The following WDR46 variants were observed in gnomAD, a reference collection of about 807,000 sequenced individuals.
WDR46 encodes WD repeat domain 46.
Under a neutral mutation model 74.7 loss-of-function variants are expected in WDR46, and 58 were observed. That is an observed-to-expected ratio of 0.78 (90% CI 0.63 to 0.97). WDR46 has a LOEUF of 0.97. Among genes scored for constraint, WDR46 ranks in the 50% least tolerant of loss-of-function variants. WDR46 has a pLI of 0.00. For missense variants in WDR46, 702 were observed against 790.1 expected, an observed-to-expected ratio of 0.89 and a Z score of 1.34; for synonymous variants, 278 against 297.3, an observed-to-expected ratio of 0.93 and a Z score of 0.67.
At chr6:33,280,367 G>A (rs1472908237) in intron 12 of WDR46, 61 bp downstream of exon 12, 1 of 1,530,538 alleles carries the variant, frequency 6.5e-7, no homozygotes, top group Non-Finnish European at 8.9e-7. Context: ...TCCAGGACGG[G>A]GGAACCTGAC....
intron 10 of WDR46, among the ~76,000 whole-genome samples, chr6:33,283,144 G>A (rs1766328347): frequency 6.6e-6 from 1 of 152,058 alleles, no homozygotes; most frequent in African/African-American, 2.4e-5. Context: ...AGGAGGTGGA[G>A]GTTGCAGTGA....
rs774508291 is a variant in WDR46, at chr6:33,287,623, C to T, written c.719G>A (p.Arg240Gln). 43 of 1,613,786 alleles carry T rather than the reference C, an allele frequency of 2.7e-5. 1 individual carries two copies. The highest frequency in any genetic ancestry group is 1.9e-4 in the South Asian group (17 of 91,044). ...CAGTGAGGCCACTGACCGGATGTCC[C>T]GCACCGCCTCCATGACGTTGATCTC... ...MCEINVMEAV[R>Q]DIRFLHSEAL... The change falls in exon 7 of 15, where the codon CGG becomes CAG. Residue 240 changes from arginine to glutamine, a missense_variant. Physicochemically the swap from Arg to Gln is conservative, Grantham distance 43. Transcript: ENST00000374617.
At chr6:33,286,683 C>T (rs896623666) in intron 10 of WDR46, 112 bp downstream of exon 10, 11 of 993,150 alleles carry the variant, frequency 1.1e-5, no homozygotes, top group East Asian at 4.8e-5. Context: ...GGTAACACTG[C>T]GATTTAAACC....
intron 10 of WDR46, among the ~76,000 whole-genome samples, chr6:33,284,100 T>C (rs1464407415): frequency 6.6e-6 from 1 of 151,576 alleles, no homozygotes; most frequent in East Asian, 1.9e-4. Context: ...ATTAAAAAAT[T>C]AACTGGGCGT....
At position 33,286,683 on chromosome 6, in the gene WDR46, C is replaced by A. The variant is rs896623666; in HGVS notation, c.1115+112G>T. The A allele has an allele frequency of 8.1e-6, 8 of 993,272 alleles. No homozygotes were observed. In the East Asian group the frequency reaches 1.2e-4, roughly 15 times the overall value. The allele number at this position is 993,272 out of a possible 1,614,324, so 61.5% of individuals were successfully genotyped here. ...GCAAGGCCCATCCGTGGTAACACTG[C>A]GATTTAAACCTGGGCATCCTGGCTT... On this transcript the variant is annotated intron_variant, in intron 10 of 14. Transcript: ENST00000374617.
intron 10 of WDR46, among the ~76,000 whole-genome samples, chr6:33,283,448 T>C (rs1488115098): frequency 4.0e-5 from 6 of 151,852 alleles, no homozygotes; most frequent in African/African-American, 7.3e-5. Context: ...AATAGAAAAA[T>C]TATCCAGGTG....
chr6:33,287,317 G>C (rs1376951444), intron 8 of WDR46, 38 bp downstream of exon 8: 1 of 1,612,730 alleles, frequency 6.2e-7, no homozygotes, highest in East Asian at 2.2e-5. Flanking sequence ...GTCATCCCAA[G>C]GGCTTCCAAC....
At position 33,279,591 on chromosome 6, in the gene WDR46, T is replaced by C. The variant is rs369645656; in HGVS notation, c.1640A>G (p.Lys547Arg). The change falls in exon 14 of 15, where the codon AAG (lysine) becomes AGG (arginine). Residue 547 changes from lysine (K) to arginine (R), a missense_variant. By Grantham distance (26) the Lys-to-Arg change is conservative. Coordinates refer to ENST00000374617, the MANE Select transcript of WDR46 (RefSeq NM_005452.6). ...CTTTGGCTTTGGCTGGAAGGGAGCC[T>C]TAGCCTGCGGGTCATAGCCCTGAGG... is the stretch of plus-strand genomic sequence containing the variant. ...IERLGYDPQA[K>R]APFQPKPKQK... The C allele has an allele frequency of 1.4e-5, 22 of 1,614,072 alleles. No homozygotes were observed. In the East Asian group the frequency reaches 2.2e-4, roughly 16 times the overall value.
intron 10 of WDR46, 147 bp from the exon 11 acceptor site, chr6:33,281,134 C>T (rs1766145930): frequency 3.9e-6 from 3 of 760,010 alleles, no homozygotes; most frequent in Non-Finnish European, 2.1e-6. Context: ...CACAGGCATC[C>T]TCTCAGTTAA....
Position 33,287,334 on chromosome 6 carries a change from C to G in WDR46, c.879+21G>C, listed in dbSNP as rs375324710. The G allele has an allele frequency of 5.0e-6, 8 of 1,612,970 alleles. No individual in the cohort carries two copies. The African/African-American group carries it at 1.1e-4, about 22-fold the overall frequency. On this transcript the variant is annotated intron_variant, in intron 8 of 14. Coordinates refer to ENST00000374617, the MANE Select transcript of WDR46 (RefSeq NM_005452.6). ...CATCCCAAGGGCTTCCAACCAGTTC[C>G]TGAGCTCCATGGCCACTCACAGCTG...
At chr6:33,287,266 GC>G in intron 8 of WDR46, 40 bp from the exon 9 acceptor site, 1 of 1,612,742 alleles carries the variant, frequency 6.2e-7, no homozygotes, top group Non-Finnish European at 8.5e-7. Flanking sequence ...AGTCCTGATT[GC>G]CCTCTGTATT....
rs1212570108 is a variant in WDR46, at chr6:33,280,771, G to A, written c.1332C>T (p.His444=). 3 of 1,613,954 alleles carry A rather than the reference G, an allele frequency of 1.9e-6. No individual in the cohort carries two copies. ...PPSLEQPYLT[H]RLSGPVHGLQ... is the part of the protein sequence containing the mutation. ...GGCCATGCACAGGGCCTGAGAGCCG[G>A]TGGGTGAGGTAGGGCTGTTCAAGGG... The change falls in exon 11 of 15, where the codon CAC becomes CAT. Residue 444 remains histidine, a synonymous_variant. Transcript: ENST00000374617.
chr6:33,281,054 TC>T, intron 10 of WDR46, 67 bp from the exon 11 acceptor site: 1 of 1,504,216 alleles, frequency 6.6e-7, no homozygotes, highest in Non-Finnish European at 8.9e-7. Context: ...TGTGGCCAAG[TC>T]CAGGCATCAA....
Position 33,286,867 on chromosome 6 carries a change from A to G in WDR46, c.1043T>C (p.Met348Thr). ...NGTVSLWSPAMKEPLAKILCH... is the reference protein window; with the variant it reads ...NGTVSLWSPATKEPLAKILCH... ...GAGAATCTTTGCCAGTGGCTCCTTC[A>G]TAGCTGGACTCCATAAAGACACAGT... The change falls in exon 10 of 15, where the codon ATG becomes ACG. Residue 348 changes from methionine to threonine, a missense_variant. Met to Thr is a moderately conservative substitution (Grantham distance 81). Coordinates refer to ENST00000374617, the MANE Select transcript of WDR46 (RefSeq NM_005452.6). 8 of 1,614,168 alleles carry G rather than the reference A, an allele frequency of 5.0e-6. No homozygotes were observed. The highest frequency in any genetic ancestry group is 6.8e-6 in the Non-Finnish European group (8 of 1,180,038).
rs1241578674 is a variant in WDR46, at chr6:33,279,177, A to AG, written c.*98dup. On this transcript the variant is annotated 3_prime_UTR_variant, in exon 15 of 15. Transcript: ENST00000374617. ...ACAGCTGTCCACCCCCAGTTGGGGA[A>AG]GGGGCCACACTGCCCCCACCTCCTT... 6.6e-7 allele frequency: 1 copy of AG among 1,511,664 alleles called. No individual in the cohort carries two copies. The highest frequency in any genetic ancestry group is 1.2e-5 in the South Asian group (1 of 82,108). 93.6% of individuals were successfully genotyped at this position (1,511,664 alleles called of 1,614,324 possible).
At chr6:33,283,779 C>T (rs1444765723) in intron 10 of WDR46, among the ~76,000 whole-genome samples, 1 of 152,120 alleles carries the variant, frequency 6.6e-6, no homozygotes, top group Non-Finnish European at 1.5e-5. Context: ...TGCACTTGTA[C>T]TCCCAGCTAC....
At position 33,279,157 on chromosome 6, in the gene WDR46, T is replaced by TGTCCACCCCCA; in HGVS notation, c.*108_*118dup. 7.1e-7 allele frequency: 1 copy of TGTCCACCCCCA among 1,409,450 alleles called. No homozygotes were observed. Among genetic ancestry groups the TGTCCACCCCCA allele is most frequent in the South Asian group, 1.3e-5 (1 of 77,354 alleles). 87.3% of individuals were successfully genotyped at this position (1,409,450 alleles called of 1,614,324 possible). The stretch of plus-strand genomic sequence containing the variant: ...ATACCAACCCACCCCAGGAGACAGC[T>TGTCCACCCCCA]GTCCACCCCCAGTTGGGGAAGGGGC... On this transcript the variant is annotated 3_prime_UTR_variant, in exon 15 of 15. Transcript: ENST00000374617.
chr6:33,279,468 A>C, intron 14 of WDR46, 29 bp downstream of exon 14: 1 of 1,611,026 alleles, frequency 6.2e-7, no homozygotes, highest in Non-Finnish European at 8.5e-7. Flanking sequence ...AGCCTGTGGA[A>C]GGCCCGGCCC....
intron 10 of WDR46, chr6:33,284,537 G>A (rs894916485): frequency 1.3e-5 from 2 of 153,806 alleles, no homozygotes; most frequent in African/African-American, 2.4e-5. Context: ...CGATCATCTT[G>A]AATGACAATG....
Sources: gnomAD v4.1 joint callset for allele counts (sites outside exome capture counted in the v4.1 genomes callset) on GRCh38, gnomAD v4.1.1 for gene constraint, MANE v1.5 for transcripts, NCBI Gene and HGNC (gene_info 2026-07-23, HGNC 2026-07-21) for gene names.